Variants in PTPRA observed in about 807,000 individuals in gnomAD.
The protein encoded by PTPRA is protein tyrosine phosphatase receptor type A.
PTPRA carries 25 observed loss-of-function variants against 104.8 expected under a neutral mutation model. The observed-to-expected ratio is 0.24, with a 90% confidence interval of 0.17 to 0.33. The LOEUF (loss-of-function observed/expected upper bound fraction) is 0.33, where lower values mean the gene tolerates loss of function less well. Among genes scored for constraint, PTPRA ranks in the 10% least tolerant of loss-of-function variants. The probability of loss-of-function intolerance (pLI) is 1.00; values close to 1 mark genes in which losing one functional copy is unlikely to be tolerated. For synonymous variants in PTPRA, 323 were observed against 368.9 expected, an observed-to-expected ratio of 0.88 and a Z score of 1.43; for missense variants, 765 against 1,015.3, an observed-to-expected ratio of 0.75 and a Z score of 3.35.
intron 12 of PTPRA, 23 bp from the exon 13 acceptor site, chr20:3,017,793 A>G (rs752433174): frequency 6.2e-7 from 1 of 1,602,898 alleles, no homozygotes; most frequent in Non-Finnish European, 8.5e-7. Context: ...TATTCTCTTC[A>G]TTTTTGCTGT....
chr20:2,979,512 C>G (rs2062581091), intron 6 of PTPRA, among the ~76,000 whole-genome samples: 1 of 152,168 alleles, frequency 6.6e-6, no homozygotes, highest in Non-Finnish European at 1.5e-5. Flanking sequence ...ATCAGTTCTC[C>G]TATTTAGCCT....
chr20:2,964,302 C>G lies in PTPRA; in HGVS notation c.25C>G (p.Leu9Val), dbSNP rs767615830. 1 of 1,610,902 alleles carries G rather than the reference C, an allele frequency of 6.2e-7. No homozygotes were observed. The highest frequency in any genetic ancestry group is 1.7e-5 in the Admixed American group (1 of 59,158). The change falls in exon 4 of 24, where the codon CTG (leucine) becomes GTG (valine). Residue 9 changes from leucine (L) to valine (V), a missense_variant. By Grantham distance (32) the Leu-to-Val change is conservative (BLOSUM62 1). Transcript: ENST00000399903. The part of the protein sequence containing the change: MDSWFILV[L>V]LGSGLICVSA... ...CATGGATTCCTGGTTCATTCTTGTTCTGCTCGGCAGTGGTCTGATATGTGT... is the reference window on the plus strand; with the variant it reads ...CATGGATTCCTGGTTCATTCTTGTTGTGCTCGGCAGTGGTCTGATATGTGT...
chr20:2,945,948 GTATA>G, intron 2 of PTPRA, among the ~76,000 whole-genome samples: 1 of 150,732 alleles, frequency 6.6e-6, no homozygotes, highest in East Asian at 1.9e-4. Context: ...ATGCGTGTGT[GTATA>G]TATATATATC....
At chr20:2,864,559 C>T in the PTPRA span, 1 of 1,614,160 alleles carries the variant, frequency 6.2e-7, no homozygotes, top group Non-Finnish European at 8.5e-7. This position sits in a 1 kb window ranked among gnomAD's most constrained non-coding sequence, Gnocchi z 5.2. Flanking sequence ...CTGTAAGCAT[C>T]AGGAGCTAGA....
chr20:2,999,949 G>T (rs1439943506), intron 9 of PTPRA, among the ~76,000 whole-genome samples: 1 of 152,072 alleles, frequency 6.6e-6, no homozygotes, highest in African/African-American at 2.4e-5. Context: ...AACTGATAAA[G>T]GAAGAGTATC....
chr20:2,914,953 A>G (rs2059847920), intron 1 of PTPRA, among the ~76,000 whole-genome samples: 1 of 152,178 alleles, frequency 6.6e-6, no homozygotes, highest in Admixed American at 6.5e-5. Flanking sequence ...GAGTCCTCAT[A>G]CTATAAATAG....
In PTPRA at chr20:2,953,410, C is replaced by T. The variant is rs370185616; in HGVS notation, c.-7+5386C>T. Among the ~76,000 whole-genome samples the T allele has an allele frequency of 3.4e-4, 51 of 151,790 alleles. No individual in the cohort carries two copies. In the East Asian group the frequency reaches 7.6e-3, roughly 23 times the overall value. ...CTGGGACTACAGGCGCGCGTTACCA[C>T]GCCTGGCTAATTTTTTGTATTTTTA... On this transcript the variant is annotated intron_variant, in intron 3 of 23. Coordinates refer to ENST00000399903, the MANE Select transcript of PTPRA (RefSeq NM_001385305.1).
chr20:2,965,491 T>C (rs1568673088), intron 5 of PTPRA, among the ~76,000 whole-genome samples: 2 of 152,214 alleles, frequency 1.3e-5, no homozygotes, highest in East Asian at 3.9e-4. Flanking sequence ...GAGGAGCTCA[T>C]TGACGATGCA....
intron 2 of PTPRA, among the ~76,000 whole-genome samples, chr20:2,925,852 G>A (rs1600121903): frequency 1.3e-5 from 2 of 151,986 alleles, no homozygotes; most frequent in South Asian, 2.1e-4. Flanking sequence ...AAAACACATG[G>A]ATGTACAAAC....
At chr20:2,961,307 G>A (rs1228786289) in intron 3 of PTPRA, among the ~76,000 whole-genome samples, 4 of 152,150 alleles carry the variant, frequency 2.6e-5, no homozygotes, top group African/African-American at 9.7e-5. Context: ...ATTGTCAAAT[G>A]TTTTGGATTT....
intron 1 of PTPRA, among the ~76,000 whole-genome samples, chr20:2,900,674 G>T (rs949286690): frequency 9.3e-5 from 14 of 151,340 alleles, no homozygotes; most frequent in African/African-American, 3.2e-4. Flanking sequence ...TGACCAACAT[G>T]GTGAAACCCC....
At chr20:3,005,380 C>G (rs1165757159) in intron 10 of PTPRA, among the ~76,000 whole-genome samples, 3 of 151,974 alleles carry the variant, frequency 2.0e-5, no homozygotes, top group Non-Finnish European at 4.4e-5. Flanking sequence ...GAGACCTCAT[C>G]TCTACAAAAA....
chr20:3,006,191 A>G (rs2148304995), intron 10 of PTPRA, among the ~76,000 whole-genome samples: 1 of 152,066 alleles, frequency 6.6e-6, no homozygotes, highest in Non-Finnish European at 1.5e-5. Context: ...CATCCTTTTA[A>G]ATTTTTTATT....
intron 2 of PTPRA, among the ~76,000 whole-genome samples, chr20:2,941,496 C>T (rs930667814): frequency 1.3e-5 from 2 of 152,214 alleles, no homozygotes; most frequent in African/African-American, 4.8e-5. Flanking sequence ...TTTTGTGTCT[C>T]CACCAGTAAC....
intron 5 of PTPRA, among the ~76,000 whole-genome samples, chr20:2,968,502 T>C (rs1033273001): frequency 1.4e-5 from 2 of 140,490 alleles, no homozygotes; most frequent in African/African-American, 6.3e-5. Context: ...TCTTCCTTTT[T>C]TTTTTTTCTC....
chr20:2,942,183 A>G (rs2060946743), intron 2 of PTPRA, among the ~76,000 whole-genome samples: 1 of 152,146 alleles, frequency 6.6e-6, no homozygotes, highest in Admixed American at 6.6e-5. Context: ...TATATTTTGA[A>G]TTATTTTTGT....
chr20:2,884,206 G>T (rs991328888), intron 1 of PTPRA, among the ~76,000 whole-genome samples: 2 of 151,956 alleles, frequency 1.3e-5, no homozygotes, highest in African/African-American at 2.4e-5. Flanking sequence ...GAACATTCAT[G>T]TATAAATTTT....
intron 6 of PTPRA, among the ~76,000 whole-genome samples, chr20:2,980,678 TC>T (rs904244896): frequency 1.3e-5 from 2 of 151,758 alleles, no homozygotes; most frequent in South Asian, 4.2e-4. Flanking sequence ...CAAGACCCCC[TC>T]CCCCCATCTC....
At chr20:2,992,822 G>A (rs1415769457) in intron 9 of PTPRA, among the ~76,000 whole-genome samples, 1 of 152,258 alleles carries the variant, frequency 6.6e-6, no homozygotes, top group Non-Finnish European at 1.5e-5. Flanking sequence ...GCTGGGCACA[G>A]TGGCTCATGC....
Sources: allele counts gnomAD v4.1 joint callset (sites outside exome capture counted in the v4.1 genomes callset), GRCh38; gene constraint gnomAD v4.1.1; non-coding constraint Gnocchi (gnomAD v3.1); transcripts MANE v1.5; gene names NCBI Gene and HGNC (gene_info 2026-07-23, HGNC 2026-07-21).